ZC3H6: variants seen among roughly 807,000 people sequenced by gnomAD.
ZC3H6 encodes the protein zinc finger CCCH-type containing 6.
In ZC3H6, 40 loss-of-function variants were observed where a neutral mutation model predicts 107.7. That is an observed-to-expected ratio of 0.37 (90% CI 0.29 to 0.48). The LOEUF is 0.48. Among genes scored for constraint, ZC3H6 ranks in the 20% least tolerant of loss-of-function variants. The pLI is 0.98. For synonymous variants in ZC3H6, 493 were observed against 487.9 expected, an observed-to-expected ratio of 1.01 and a Z score of -0.14; for missense variants, 1,267 against 1,410.4, an observed-to-expected ratio of 0.90 and a Z score of 1.63.
chr2:112,323,673 A>T lies in ZC3H6; in HGVS notation c.1341-479A>T, dbSNP rs1197281500. On this transcript the variant is annotated intron_variant, in intron 9 of 11. Coordinates refer to ENST00000409871, the MANE Select transcript of ZC3H6 (RefSeq NM_198581.3). ...GACAAAACTATTGGAAATAATAATT[A>T]AATTAGCAAGATGTCAGGAAAGAAG... Among the ~76,000 whole-genome samples the T allele has an allele frequency of 1.3e-5, 2 of 152,226 alleles. 1 individual carries two copies. The highest frequency in any genetic ancestry group is 4.8e-5 in the African/African-American group (2 of 41,456).
chr2:112,317,479 C>T, intron 7 of ZC3H6, 147 bp downstream of exon 7: 1 of 476,334 alleles, frequency 2.1e-6, no homozygotes, highest in African/African-American at 2.0e-5. Context: ...TCTAGTCAAA[C>T]TTTGTACTTC....
intron 5 of ZC3H6, among the ~76,000 whole-genome samples, chr2:112,312,355 G>A (rs1676609574): frequency 6.6e-6 from 1 of 152,140 alleles, no homozygotes; most frequent in African/African-American, 2.4e-5. Context: ...AAGATTGAAA[G>A]AGAAGAAAGG....
chr2:112,300,087 G>A (rs1676339862), intron 2 of ZC3H6, 58 bp downstream of exon 2: 2 of 1,126,708 alleles, frequency 1.8e-6, no homozygotes, highest in Non-Finnish European at 2.3e-6. Flanking sequence ...ATAAAATACT[G>A]AAAATTAGAA....
Position 112,322,629 on chromosome 2 carries a change from TC to T in ZC3H6, c.1087-19del, listed in dbSNP as rs1169859746. 6.3e-7 allele frequency: 1 copy of T among 1,575,648 alleles called. No individual in the cohort carries two copies. The highest frequency in any genetic ancestry group is 8.6e-7 in the Non-Finnish European group (1 of 1,165,566). ...GAAAAGACTCGCTTTGAAATAGTAA[TC>T]TTTGCCAATTATTTTTAGGTGTTGA... On this transcript the variant is annotated intron_variant, in intron 8 of 11. Transcript: ENST00000409871.
rs1181044662 is a variant in ZC3H6, at chr2:112,333,602, GA to G, written c.*1119del. On this transcript the variant is annotated 3_prime_UTR_variant, in exon 12 of 12. Coordinates refer to ENST00000409871, the MANE Select transcript of ZC3H6 (RefSeq NM_198581.3). The stretch of plus-strand genomic sequence containing the variant: ...AAATTGATTAGAAATTGTATTTTAT[GA>G]AAAATAACTTGTATTCATTCTTGTG... 2 of 151,976 alleles carry G rather than the reference GA, an allele frequency of 1.3e-5. No individual in the cohort carries two copies. Among genetic ancestry groups the G allele is most frequent in the African/African-American group, 2.4e-5 (1 of 41,398 alleles). The allele number at this position is 151,976 out of a possible 1,614,324, so 9.4% of individuals were successfully genotyped here.
At chr2:112,300,075 A>G (rs1484881692) in intron 2 of ZC3H6, 46 bp downstream of exon 2, 1 of 1,210,828 alleles carries the variant, frequency 8.3e-7, no homozygotes, top group South Asian at 2.6e-5. Context: ...TGTTTATGAA[A>G]TATAAAATAC....
At chr2:112,306,872 C>G (rs1055639269) in intron 3 of ZC3H6, among the ~76,000 whole-genome samples, 1 of 152,184 alleles carries the variant, frequency 6.6e-6, no homozygotes, top group Admixed American at 6.5e-5. Flanking sequence ...TGTTGGATCT[C>G]TCACCTGGTT....
rs746632872 is a variant in ZC3H6, at chr2:112,310,079, T to C, written c.531T>C (p.Ala177=). ...FANQLKQYRQ[A]KETSNIALGS... is the part of the protein sequence containing the mutation. ...ATCAGCTGAAACAATACAGGCAAGC[T>C]AAAGAAACCTCAAATATTGCTTTAG... The change falls in exon 4 of 12, where the codon GCT becomes GCC. Residue 177 remains alanine, a synonymous_variant. Transcript: ENST00000409871. The C allele has an allele frequency of 1.9e-6, 3 of 1,613,480 alleles. No homozygotes were observed. The East Asian group carries it at 6.7e-5, about 36-fold the overall frequency.
rs556484355 is a variant in ZC3H6 at position 112,299,838 on chromosome 2, T to A, written c.33-11T>A. ...GAATGATATTTGAAAATTAAAATTTTCCTTCTATAGAGAAGATGGCGAATT... is the reference window on the plus strand; with the variant it reads ...GAATGATATTTGAAAATTAAAATTTACCTTCTATAGAGAAGATGGCGAATT... On this transcript the variant is annotated splice_polypyrimidine_tract_variant and intron_variant, in intron 1 of 11. Coordinates refer to ENST00000409871, the MANE Select transcript of ZC3H6 (RefSeq NM_198581.3). 1 of 1,374,912 alleles carries A rather than the reference T, an allele frequency of 7.3e-7. No homozygotes were observed. The highest frequency in any genetic ancestry group is 9.5e-7 in the Non-Finnish European group (1 of 1,057,554). The allele number at this position is 1,374,912 out of a possible 1,614,324, so 85.2% of individuals were successfully genotyped here.
chr2:112,327,898 G>T lies in ZC3H6; in HGVS notation c.2086+2701G>T, dbSNP rs527450596. ...CTGTTTTTTGTTAGTTCATTTTTTT[G>T]TTTTTGTTTTTGTTTTTTCTTAAGA... is the stretch of plus-strand genomic sequence containing the variant. On this transcript the variant is annotated intron_variant, in intron 11 of 11. Coordinates refer to ENST00000409871, the MANE Select transcript of ZC3H6 (RefSeq NM_198581.3). 4.0e-5 allele frequency among the ~76,000 whole-genome samples: 6 copies of T among 151,780 alleles called. No homozygotes were observed. The South Asian group carries it at 1.0e-3, about 26-fold the overall frequency.
chr2:112,310,027 G>A lies in ZC3H6; in HGVS notation c.479G>A (p.Gly160Asp), dbSNP rs745573026. ...AGTGATGACAACTTTGGTAACTACGGTCAGGAAACAGAGGAAGATTTTGCC... is the reference window on the plus strand; with the variant it reads ...AGTGATGACAACTTTGGTAACTACGATCAGGAAACAGAGGAAGATTTTGCC... ...NYSDDNFGNY[G>D]QETEEDFANQ... Residue 160 changes from glycine to aspartate, a missense_variant, in exon 4 of 12, where the codon GGT becomes GAT. Around this residue, in one of 3 missense-constraint regions of ZC3H6, gnomAD observed 337 missense variants for 361.2 expected, o/e 0.93. Transcript: ENST00000409871. 2 of 1,613,630 alleles carry A rather than the reference G, an allele frequency of 1.2e-6. No homozygotes were observed. Among genetic ancestry groups the A allele is most frequent in the South Asian group, 1.1e-5 (1 of 90,978 alleles).
chr2:112,307,956 A>G (rs528865527), intron 3 of ZC3H6, among the ~76,000 whole-genome samples: 6 of 152,340 alleles, frequency 3.9e-5, no homozygotes, highest in African/African-American at 1.4e-4. Context: ...ATACTCATCT[A>G]TTAACAAAGT....
At chr2:112,276,139 C>T (rs1686413797) in intron 1 of ZC3H6, 113 bp downstream of exon 1, 3 of 910,890 alleles carry the variant, frequency 3.3e-6, no homozygotes, top group Non-Finnish European at 4.9e-6. Flanking sequence ...CTGTGTGGCT[C>T]CGTCAGTTCC....
In ZC3H6 at chr2:112,303,226, C is replaced by T. The variant is rs1351377625; in HGVS notation, c.214-3C>T. 3 of 1,601,968 alleles carry T rather than the reference C, an allele frequency of 1.9e-6. No individual in the cohort carries two copies. Among genetic ancestry groups the T allele is most frequent in the Non-Finnish European group, 2.6e-6 (3 of 1,175,892 alleles). ...AACATATTTGTCTTTCCCCTCCCTT[C>T]AGCATAATTCCCCATCTAGTGATGA... On this transcript the variant is annotated splice_region_variant and splice_polypyrimidine_tract_variant and intron_variant, in intron 2 of 11. Coordinates refer to ENST00000409871, the MANE Select transcript of ZC3H6 (RefSeq NM_198581.3).
At chr2:112,301,639 A>G (rs1013498595) in intron 2 of ZC3H6, among the ~76,000 whole-genome samples, 5 of 152,222 alleles carry the variant, frequency 3.3e-5, no homozygotes, top group Admixed American at 3.3e-4. Context: ...AAGCATGCCC[A>G]CAAAGCATAT....
In ZC3H6 at chr2:112,276,570, T is replaced by C. The variant is rs556434306; in HGVS notation, c.32+544T>C. Among the ~76,000 whole-genome samples the C allele has an allele frequency of 4.6e-5, 7 of 152,328 alleles. No homozygotes were observed. In the South Asian group the frequency reaches 1.4e-3, roughly 32 times the overall value. On this transcript the variant is annotated intron_variant, in intron 1 of 11. Coordinates refer to ENST00000409871, the MANE Select transcript of ZC3H6 (RefSeq NM_198581.3). Reference sequence around the variant, plus strand: ...GAGATGGCAAGTTTCAAGTTTAATATGTTAACACAAAATACTTAGGCTTTG... The same window carrying C: ...GAGATGGCAAGTTTCAAGTTTAATACGTTAACACAAAATACTTAGGCTTTG...
rs1256367872 is a variant in ZC3H6 at position 112,333,154 on chromosome 2, T to G, written c.*666T>G. The G allele has an allele frequency of 3.3e-5, 5 of 152,620 alleles. No homozygotes were observed. Among genetic ancestry groups the G allele is most frequent in the African/African-American group, 4.8e-5 (2 of 41,462 alleles). 9.5% of individuals were successfully genotyped at this position (152,620 alleles called of 1,614,324 possible). ...GAACATTTTGCTAAAGTGAAAAATTTCCAAGTTCTCTAGCATAACTTTTTA... is the reference window on the plus strand; with the variant it reads ...GAACATTTTGCTAAAGTGAAAAATTGCCAAGTTCTCTAGCATAACTTTTTA... On this transcript the variant is annotated 3_prime_UTR_variant, in exon 12 of 12. Transcript: ENST00000409871.
intron 10 of ZC3H6, 146 bp downstream of exon 10, chr2:112,324,809 C>T (rs1676876912): frequency 1.7e-6 from 2 of 1,155,402 alleles, no homozygotes; most frequent in Non-Finnish European, 2.4e-6. Flanking sequence ...GTTTGCCAAA[C>T]TTTTGAAACA....
chr2:112,317,184 T>TTTTTTC, intron 6 of ZC3H6, 37 bp from the exon 7 acceptor site: 3 of 1,180,286 alleles, frequency 2.5e-6, no homozygotes. Context: ...GTTTCTTACC[T>TTTTTTC]TTTTTTCTTT....
Sources: allele counts gnomAD v4.1 joint callset (sites outside exome capture counted in the v4.1 genomes callset), GRCh38; gene constraint gnomAD v4.1.1; regional missense constraint gnomAD v4.1.1; transcripts MANE v1.5; gene names NCBI Gene and HGNC (gene_info 2026-07-23, HGNC 2026-07-21).